NBEAL1: variants seen among roughly 807,000 people sequenced by gnomAD.
The protein encoded by NBEAL1 is neurobeachin-like protein 1.
Under a neutral mutation model 351.3 loss-of-function variants are expected in NBEAL1, and 273 were observed. The ratio of observed to expected loss-of-function variants is 0.78; its 90% CI spans 0.70 to 0.86. NBEAL1 has a LOEUF of 0.86. NBEAL1 is among the 40% of genes least tolerant of loss of function. The pLI, the probability that NBEAL1 is intolerant of heterozygous loss-of-function variation, is 0.00. For missense variants in NBEAL1, 2,961 were observed against 3,201.3 expected, an observed-to-expected ratio of 0.92 and a Z score of 1.81; for synonymous variants, 1,050 against 1,086.4, an observed-to-expected ratio of 0.97 and a Z score of 0.66.
rs567203378 is a variant in NBEAL1, at chr2:203,045,973, A to G, written c.144-3841A>G. ...TTCTATATTTCACAGCTGAAAATGC[A>G]TATTAACCTTCTGGTTTGAGACCCC... On this transcript the variant is annotated intron_variant, in intron 3 of 55. Coordinates refer to ENST00000683969, the MANE Select transcript of NBEAL1 (RefSeq NM_001378026.1). Among the ~76,000 whole-genome samples the G allele has an allele frequency of 2.0e-5, 3 of 152,192 alleles. No homozygotes were observed. The South Asian group carries it at 6.2e-4, about 32-fold the overall frequency.
intron 9 of NBEAL1, 73 bp from the exon 10 acceptor site, chr2:203,084,390 A>G: frequency 6.2e-6 from 4 of 647,036 alleles, no homozygotes; most frequent in Non-Finnish European, 9.6e-6. Flanking sequence ...AAAAAGAAAA[A>G]TGATTAGAGT....
rs762418074 is a variant in NBEAL1, at chr2:203,211,059, T to A, written c.7887T>A (p.Ile2629=). 1 of 1,607,294 alleles carries A rather than the reference T, an allele frequency of 6.2e-7. No homozygotes were observed. Among genetic ancestry groups the A allele is most frequent in the East Asian group, 2.2e-5 (1 of 44,580 alleles). The stretch of plus-strand genomic sequence containing the variant: ...ATATATGTATAATCGGAGAACACAT[T>A]GTCACAGGCAGCATACAAGGATTCC... ...VSDICIIGEH[I]VTGSIQGFLS... The change falls in exon 54 of 56, where the codon ATT becomes ATA. Residue 2629 remains isoleucine (I), a synonymous_variant. Transcript: ENST00000683969.
chr2:203,211,990 G>A (rs932629934), intron 54 of NBEAL1, among the ~76,000 whole-genome samples: 1 of 152,008 alleles, frequency 6.6e-6, no homozygotes, highest in Non-Finnish European at 1.5e-5. Context: ...AGGTTCAAGC[G>A]ATTCTCCTGC....
intron 12 of NBEAL1, among the ~76,000 whole-genome samples, chr2:203,100,548 CT>C (rs201429973): frequency 9.5e-4 from 130 of 137,246 alleles, no homozygotes; most frequent in Admixed American, 1.0e-3. Flanking sequence ...GTTTTCTTTT[CT>C]TTTTTTTTTT....
Position 203,049,933 on chromosome 2 carries a change from C to T in NBEAL1, c.263C>T (p.Ala88Val). The change falls in exon 4 of 56, where the codon GCC becomes GTC. Residue 88 changes from alanine (A) to valine (V), a missense_variant. Coordinates refer to ENST00000683969, the MANE Select transcript of NBEAL1 (RefSeq NM_001378026.1). ...GATGGGTTAGAGGAACAACAGCAAG[C>T]CTTGTCAATTTTGCTTGTCAAGTTC... is the stretch of plus-strand genomic sequence containing the variant. ...MADGLEEQQQ[A>V]LSILLVKFFI... 3 of 1,554,874 alleles carry T rather than the reference C, an allele frequency of 1.9e-6. No individual in the cohort carries two copies. The highest frequency in any genetic ancestry group is 2.6e-6 in the Non-Finnish European group (3 of 1,147,694).
In NBEAL1 at chr2:203,125,403, C is replaced by A. The variant is rs751645691; in HGVS notation, c.2734C>A (p.Gln912Lys). The A allele has an allele frequency of 2.6e-6, 4 of 1,547,000 alleles. No individual in the cohort carries two copies. The highest frequency in any genetic ancestry group is 3.5e-6 in the Non-Finnish European group (4 of 1,145,010). The change falls in exon 20 of 56, where the codon CAA (glutamine) becomes AAA (lysine). Residue 912 changes from glutamine (Q) to lysine (K), a missense_variant. Coordinates refer to ENST00000683969, the MANE Select transcript of NBEAL1 (RefSeq NM_001378026.1). ...AAATGTACTCTTTCCTTTATTGGAACAAATCAGCCACTTTAGTGAAGGACA... is the reference window on the plus strand; with the variant it reads ...AAATGTACTCTTTCCTTTATTGGAAAAAATCAGCCACTTTAGTGAAGGACA... Reference protein sequence around the residue: ...GLNVLFPLLEQISHFSEGQIP... With the variant: ...GLNVLFPLLEKISHFSEGQIP...
chr2:203,183,514 T>C, intron 44 of NBEAL1, 126 bp downstream of exon 44: 1 of 564,346 alleles, frequency 1.8e-6, no homozygotes, highest in South Asian at 2.8e-5. Context: ...ATGCTGACTT[T>C]AGAAAGTACA....
intron 19 of NBEAL1, among the ~76,000 whole-genome samples, chr2:203,124,192 G>A (rs1486848370): frequency 2.0e-5 from 3 of 152,150 alleles, no homozygotes; most frequent in African/African-American, 7.2e-5. Flanking sequence ...CGTTAGCTGA[G>A]TGTGGTGGCA....
chr2:203,137,350 G>A (rs972386585), intron 29 of NBEAL1, among the ~76,000 whole-genome samples: 2 of 152,040 alleles, frequency 1.3e-5, no homozygotes, highest in Admixed American at 6.6e-5. Flanking sequence ...TTTTATGTGT[G>A]GCCCAAGACA....
Position 203,138,654 on chromosome 2 carries a change from T to G in NBEAL1, c.4754T>G (p.Leu1585Arg). 2 of 1,612,486 alleles carry G rather than the reference T, an allele frequency of 1.2e-6. No individual in the cohort carries two copies. The highest frequency in any genetic ancestry group is 1.7e-6 in the Non-Finnish European group (2 of 1,179,544). ...GATATGATGCTGCTCTTTGACTGTCTGTCAGTCTGCTATTCTGAAAGTCCA... is the reference window on the plus strand; with the variant it reads ...GATATGATGCTGCTCTTTGACTGTCGGTCAGTCTGCTATTCTGAAAGTCCA... ...LEDMMLLFDC[L>R]SVCYSESPVW... The change falls in exon 31 of 56, where the codon CTG becomes CGG. Residue 1585 changes from leucine (L) to arginine (R), a missense_variant. By Grantham distance (102) the Leu-to-Arg change is moderately radical. Coordinates refer to ENST00000683969, the MANE Select transcript of NBEAL1 (RefSeq NM_001378026.1).
chr2:203,087,920 G>A (rs1451118690), intron 10 of NBEAL1, among the ~76,000 whole-genome samples: 1 of 152,178 alleles, frequency 6.6e-6, no homozygotes, highest in Non-Finnish European at 1.5e-5. Flanking sequence ...TTTGCAGTTG[G>A]TTGCCTAGAA....
rs1305797059 is a variant in NBEAL1 at position 203,157,811 on chromosome 2, A to G, written c.5700A>G (p.Thr1900=). The change falls in exon 36 of 56, where the codon ACA becomes ACG. Residue 1900 remains threonine (T), a synonymous_variant. Transcript: ENST00000683969. ...TAGACCTTCCTGAAGAGGATATAAC[A>G]GCTAGAGTAAATGTGTATGTATAAA... ...DKLDLPEEDI[T]ARVNVDEKEE... is the part of the protein sequence containing the mutation. 1 of 1,555,194 alleles carries G rather than the reference A, an allele frequency of 6.4e-7. No individual in the cohort carries two copies. The highest frequency in any genetic ancestry group is 1.4e-5 in the African/African-American group (1 of 72,088).
chr2:203,125,375 G>C lies in NBEAL1; in HGVS notation c.2706G>C (p.Gly902=). 2 of 1,537,412 alleles carry C rather than the reference G, an allele frequency of 1.3e-6. No homozygotes were observed. The highest frequency in any genetic ancestry group is 2.5e-5 in the South Asian group (2 of 80,432). ...DIKDIINCIG[G]LNVLFPLLEQ... ...AGGATATCATAAACTGCATAGGTGG[G>C]TTAAATGTACTCTTTCCTTTATTGG... Residue 902 remains glycine (G), a synonymous_variant, in exon 20 of 56, where the codon GGG becomes GGC. Transcript: ENST00000683969.
chr2:203,114,516 G>A (rs1169241567), intron 17 of NBEAL1, among the ~76,000 whole-genome samples: 1 of 151,858 alleles, frequency 6.6e-6, no homozygotes, highest in African/African-American at 2.4e-5. Context: ...TTTTTCTTTT[G>A]GCTATGATTT....
intron 46 of NBEAL1, among the ~76,000 whole-genome samples, chr2:203,192,538 C>G (rs1207884834): frequency 3.9e-5 from 6 of 151,956 alleles, no homozygotes; most frequent in Non-Finnish European, 8.8e-5. Flanking sequence ...AGGCCCGCCA[C>G]CACACCTGGC....
Position 203,136,083 on chromosome 2 carries a change from T to A in NBEAL1, c.4220T>A (p.Ile1407Asn). 2 of 1,614,092 alleles carry A rather than the reference T, an allele frequency of 1.2e-6. No homozygotes were observed. The highest frequency in any genetic ancestry group is 1.7e-6 in the Non-Finnish European group (2 of 1,180,024). ...PSHLSLDLSG[I>N]DSCEMSDSGS... ...CATTTGAGTTTAGACCTCAGTGGAA[T>A]TGACTCATGTGAAATGAGTGATAGT... The change falls in exon 28 of 56, where the codon ATT becomes AAT. Residue 1407 changes from isoleucine (I) to asparagine (N), a missense_variant. Physicochemically the swap from Ile to Asn is moderately radical, Grantham distance 149 (BLOSUM62 -3). Coordinates refer to ENST00000683969, the MANE Select transcript of NBEAL1 (RefSeq NM_001378026.1).
At chr2:203,100,113 C>T (rs947124689) in intron 12 of NBEAL1, among the ~76,000 whole-genome samples, 1 of 152,136 alleles carries the variant, frequency 6.6e-6, no homozygotes, top group Non-Finnish European at 1.5e-5. Context: ...TGTAGTATTC[C>T]ATGGTGTATA....
intron 43 of NBEAL1, 53 bp downstream of exon 43, chr2:203,180,565 C>CA: frequency 2.0e-6 from 3 of 1,504,172 alleles, no homozygotes; most frequent in Non-Finnish European, 2.7e-6. Context: ...GGAGGAGCCT[C>CA]AAAAATGTCT....
At chr2:203,149,547 C>T (rs557368021) in intron 34 of NBEAL1, among the ~76,000 whole-genome samples, 41 of 152,118 alleles carry the variant, frequency 2.7e-4, no homozygotes, top group African/African-American at 9.6e-4. Flanking sequence ...TTTTTTTATA[C>T]AGCCCTTTTT....
Sources: gnomAD v4.1 joint callset for allele counts (sites outside exome capture counted in the v4.1 genomes callset) on GRCh38, gnomAD v4.1.1 for gene constraint, MANE v1.5 for transcripts, NCBI Gene and HGNC (gene_info 2026-07-23, HGNC 2026-07-21) for gene names.